Variants in ADAM29 observed in about 807,000 individuals in gnomAD.
ADAM29 encodes disintegrin and metalloproteinase domain-containing protein 29.
For synonymous variants in ADAM29, 367 were observed against 342.3 expected (o/e 1.07, Z -0.80); for missense variants, 969 against 1,001.8 (o/e 0.97, Z 0.44).
chr4:174,965,815 A>G (rs1746127746), intron 4 of ADAM29, among the ~76,000 whole-genome samples: 1 of 151,564 alleles, frequency 6.6e-6, no homozygotes, highest in Non-Finnish European at 1.5e-5. Context: ...ATTTAAACCT[A>G]ATTAACATCC....
rs149968346 is a variant in ADAM29 at position 174,976,045 on chromosome 4, C to G, written c.520C>G (p.Arg174Gly). 3.0e-5 allele frequency: 49 copies of G among 1,610,912 alleles called. No individual in the cohort carries two copies. The East Asian group carries it at 1.0e-3, about 34-fold the overall frequency. ...SGFMQNEITC[R>G]MEFEEIDNST... ...ATTTATGCAAAATGAAATAACATGC[C>G]GAATGGAATTTGAAGAAATTGATAA... Residue 174 changes from arginine to glycine, a missense_variant, in exon 5 of 5, where the codon CGA becomes GGA. Transcript: ENST00000359240.
intron 3 of ADAM29, among the ~76,000 whole-genome samples, chr4:174,933,498 CA>C (rs1164302552): frequency 1.3e-5 from 2 of 152,138 alleles, no homozygotes; most frequent in African/African-American, 4.8e-5. Flanking sequence ...CTTTTAGGTT[CA>C]GGGGTACACG....
At chr4:174,962,386 C>A (rs1745882273) in intron 4 of ADAM29, among the ~76,000 whole-genome samples, 1 of 151,978 alleles carries the variant, frequency 6.6e-6, no homozygotes, top group Non-Finnish European at 1.5e-5. Context: ...GTGGGGGGCG[C>A]CTGTAGTCCC....
At chr4:174,956,907 G>T (rs1381637895) in intron 4 of ADAM29, among the ~76,000 whole-genome samples, 1 of 151,854 alleles carries the variant, frequency 6.6e-6, no homozygotes, top group Non-Finnish European at 1.5e-5. Context: ...TAAAAGTCAT[G>T]TTCCATACAT....
chr4:174,964,415 ATTGT>A (rs1377538361), intron 4 of ADAM29, among the ~76,000 whole-genome samples: 5 of 152,124 alleles, frequency 3.3e-5, no homozygotes, highest in Non-Finnish European at 7.4e-5. Flanking sequence ...CAGAAAATAA[ATTGT>A]TTAGGCCACT....
rs775431726 is a variant in ADAM29 at position 174,976,853 on chromosome 4, G to T, written c.1328G>T (p.Cys443Phe). The T allele has an allele frequency of 6.2e-7, 1 of 1,614,176 alleles. No individual in the cohort carries two copies. Among genetic ancestry groups the T allele is most frequent in the Non-Finnish European group, 8.5e-7 (1 of 1,180,038 alleles). Residue 443 changes from cysteine (C) to phenylalanine (F), a missense_variant, in exon 5 of 5, where the codon TGC (cysteine) becomes TTC (phenylalanine). Coordinates refer to ENST00000359240, the MANE Select transcript of ADAM29 (RefSeq NM_014269.4). ...DGSTCAFGLC[C>F]KDCKFLPSGK... Reference sequence around the variant, plus strand: ...TCTACTTGTGCTTTTGGGCTTTGTTGCAAAGACTGCAAGTTCCTACCATCA... The same window carrying T: ...TCTACTTGTGCTTTTGGGCTTTGTTTCAAAGACTGCAAGTTCCTACCATCA...
chr4:174,923,525 GTAT>G (rs1560857079), intron 2 of ADAM29, among the ~76,000 whole-genome samples: 2,226 of 96,674 alleles, frequency 0.023, 42 homozygotes, highest in South Asian at 0.053. Context: ...TGCATTATAT[GTAT>G]ATATATATAT....
chr4:174,928,465 T>C (rs949637806), intron 2 of ADAM29, among the ~76,000 whole-genome samples: 14 of 149,948 alleles, frequency 9.3e-5, no homozygotes, highest in African/African-American at 7.4e-5. Context: ...GCTGTGCGGA[T>C]GTCACAAACG....
At chr4:174,952,641 G>A (rs1344529946) in intron 4 of ADAM29, among the ~76,000 whole-genome samples, 1 of 152,132 alleles carries the variant, frequency 6.6e-6, no homozygotes, top group African/African-American at 2.4e-5. Flanking sequence ...GAAAAAAAGT[G>A]GGAGATGAGA....
At chr4:174,968,260 G>C (rs1016696802) in intron 4 of ADAM29, among the ~76,000 whole-genome samples, 1 of 152,032 alleles carries the variant, frequency 6.6e-6, no homozygotes, top group African/African-American at 2.4e-5. Context: ...ATAATCCAAA[G>C]ACCTATCAAG....
At chr4:174,952,567 A>C (rs1390300235) in intron 4 of ADAM29, among the ~76,000 whole-genome samples, 1 of 152,238 alleles carries the variant, frequency 6.6e-6, no homozygotes, top group Non-Finnish European at 1.5e-5. Context: ...CAGATCTTCC[A>C]CAGGAATAGT....
intron 3 of ADAM29, among the ~76,000 whole-genome samples, chr4:174,934,941 T>G (rs1157663397): frequency 6.6e-6 from 1 of 152,172 alleles, no homozygotes; most frequent in Non-Finnish European, 1.5e-5. Flanking sequence ...AATTAATACT[T>G]TTAGTTCATA....
At chr4:174,949,867 A>C (rs1745072602) in intron 4 of ADAM29, among the ~76,000 whole-genome samples, 1 of 151,716 alleles carries the variant, frequency 6.6e-6, no homozygotes, top group Non-Finnish European at 1.5e-5. Context: ...TCAATTTCTC[A>C]TCTTTATTAT....
At chr4:174,964,376 C>G (rs1473459482) in intron 4 of ADAM29, among the ~76,000 whole-genome samples, 1 of 152,068 alleles carries the variant, frequency 6.6e-6, no homozygotes, top group East Asian at 1.9e-4. Flanking sequence ...CCTGCCAACA[C>G]TTTGATCTCA....
intron 2 of ADAM29, among the ~76,000 whole-genome samples, chr4:174,921,269 A>T (rs1184655158): frequency 6.6e-6 from 1 of 152,156 alleles, no homozygotes; most frequent in Non-Finnish European, 1.5e-5. Context: ...ATAATATGAA[A>T]ATCACCTCTG....
rs771218610 is a variant in ADAM29, at chr4:174,977,038, T to C, written c.1513T>C (p.Cys505Arg). The change falls in exon 5 of 5, where the codon TGT (cysteine) becomes CGT (arginine). Residue 505 changes from cysteine (C) to arginine (R), a missense_variant. Coordinates refer to ENST00000359240, the MANE Select transcript of ADAM29 (RefSeq NM_014269.4). ...GAGCTGTCATGACCGCAATGAACAG[T>C]GTAGGAGGATTTTTGGTGCAGGCGC... ...EKSCHDRNEQ[C>R]RRIFGAGANT... 4 of 1,614,130 alleles carry C rather than the reference T, an allele frequency of 2.5e-6. No homozygotes were observed. Among genetic ancestry groups the C allele is most frequent in the Non-Finnish European group, 3.4e-6 (4 of 1,180,022 alleles).
At chr4:174,964,273 A>G (rs1445532977) in intron 4 of ADAM29, among the ~76,000 whole-genome samples, 1 of 152,002 alleles carries the variant, frequency 6.6e-6, no homozygotes, top group Admixed American at 6.6e-5. Flanking sequence ...AGAGGCATCA[A>G]AGATTGTATG....
chr4:174,945,512 A>C (rs1284774707), intron 4 of ADAM29, among the ~76,000 whole-genome samples: 1 of 152,032 alleles, frequency 6.6e-6, no homozygotes, highest in Non-Finnish European at 1.5e-5. Context: ...CATAGGTCCC[A>C]ATTGTCAATT....
At chr4:174,946,261 T>C (rs1744843457) in intron 4 of ADAM29, among the ~76,000 whole-genome samples, 1 of 152,160 alleles carries the variant, frequency 6.6e-6, no homozygotes, top group South Asian at 2.1e-4. Flanking sequence ...TTTTGGCTAT[T>C]ATGAATGGGA....
Sources: gnomAD v4.1 joint callset for allele counts (sites outside exome capture counted in the v4.1 genomes callset) on GRCh38, gnomAD v4.1.1 for gene constraint, MANE v1.5 for transcripts, NCBI Gene and HGNC (gene_info 2026-07-23, HGNC 2026-07-21) for gene names.